The following VDAC1 variants were observed in gnomAD, a reference collection of about 807,000 sequenced individuals.
VDAC1 encodes the protein non-selective voltage-gated ion channel VDAC1.
In VDAC1, 10 loss-of-function variants were observed where a neutral mutation model predicts 34.7. That is an observed-to-expected ratio of 0.29 (90% CI 0.18 to 0.49). The LOEUF (loss-of-function observed/expected upper bound fraction) is 0.49, where lower values mean the gene tolerates loss of function less well. Among genes scored for constraint, VDAC1 ranks in the 20% least tolerant of loss-of-function variants. The pLI is 0.99. For synonymous variants in VDAC1, 130 were observed against 136.0 expected, an observed-to-expected ratio of 0.96 and a Z score of 0.30; for missense variants, 230 against 347.9, an observed-to-expected ratio of 0.66 and a Z score of 2.69.
the VDAC1 span, among the ~76,000 whole-genome samples, chr5:134,094,662 G>A: frequency 4.1e-5 from 6 of 144,598 alleles, no homozygotes; most frequent in Non-Finnish European, 5.9e-5. Context: ...GCGCCACTGC[G>A]CTCCAGCCTG....
Position 133,980,878 on chromosome 5 carries a change from A to G in VDAC1, c.402T>C (p.Ala134=). The G allele has an allele frequency of 6.2e-7, 1 of 1,614,094 alleles. No homozygotes were observed. Among genetic ancestry groups the G allele is most frequent in the Non-Finnish European group, 8.5e-7 (1 of 1,180,008 alleles). The change falls in exon 6 of 9, where the codon GCT becomes GCC. Residue 134 remains alanine (A), a synonymous_variant. Transcript: ENST00000265333. ...NLGCDMDFDI[A]GPSIRGALVL... The stretch of plus-strand genomic sequence containing the variant: ...CCAGAGCACCCCGGATGGAAGGCCC[A>G]GCAATGTCGAAATCCATGTCGCAGC...
At chr5:134,016,391 C>T in the VDAC1 span, among the ~76,000 whole-genome samples, 1 of 152,172 alleles carries the variant, frequency 6.6e-6, no homozygotes. Context: ...GGGCTTCCCC[C>T]TTTGCTCAGC....
chr5:134,027,445 GCCTT>G, the VDAC1 span, among the ~76,000 whole-genome samples: 9 of 152,290 alleles, frequency 5.9e-5, no homozygotes, highest in Admixed American at 3.3e-4. Context: ...GCCCCTCCCT[GCCTT>G]CCTTCCAGCA....
the VDAC1 span, among the ~76,000 whole-genome samples, chr5:134,030,486 G>A: frequency 6.6e-6 from 1 of 152,186 alleles, no homozygotes; most frequent in South Asian, 2.1e-4. Context: ...TCCAGTGGCA[G>A]AGAGCTCACC....
intron 1 of VDAC1, among the ~76,000 whole-genome samples, chr5:134,000,477 G>A (rs1753505310): frequency 6.6e-6 from 1 of 152,130 alleles, no homozygotes; most frequent in Admixed American, 6.5e-5. Flanking sequence ...ACTATGGTCT[G>A]GATCCCAGGC....
At chr5:134,106,694 C>T in the VDAC1 span, among the ~76,000 whole-genome samples, 4 of 152,076 alleles carry the variant, frequency 2.6e-5, no homozygotes, top group African/African-American at 9.7e-5. Context: ...GCGTGAGCCA[C>T]CGCGCCTGGC....
Position 133,999,071 on chromosome 5 carries a change from G to A in VDAC1, c.-7+5824C>T, listed in dbSNP as rs893370513. On this transcript the variant is annotated intron_variant, in intron 1 of 8. Coordinates refer to ENST00000265333, the MANE Select transcript of VDAC1 (RefSeq NM_003374.3). ...CACGCCTCTAATCCCAGCACTTTGG[G>A]AGGCTGAGGCAGGAGGATCGCCTGA... Among the ~76,000 whole-genome samples, 4 of 152,234 alleles carry A rather than the reference G, an allele frequency of 2.6e-5. No individual in the cohort carries two copies. In the South Asian group the frequency reaches 8.3e-4, roughly 31 times the overall value.
chr5:133,980,680 C>T (rs1580711376), intron 6 of VDAC1, 49 bp downstream of exon 6: 1 of 812,800 alleles, frequency 1.2e-6, no homozygotes, highest in Non-Finnish European at 2.0e-6. Context: ...CCTTACCACA[C>T]ATGCTCCAAC....
chr5:134,035,030 G>A, the VDAC1 span, among the ~76,000 whole-genome samples: 1 of 152,008 alleles, frequency 6.6e-6, no homozygotes, highest in Non-Finnish European at 1.5e-5. Context: ...CACCGAGAGG[G>A]CCTAGGAGCA....
upstream of VDAC1, among the ~76,000 whole-genome samples, chr5:134,007,934 AAGG>A (rs982655962): frequency 1.4e-4 from 22 of 152,124 alleles, no homozygotes; most frequent in African/African-American, 5.1e-4. Context: ...GTGGGTGGAG[AAGG>A]AGGTTTGTGG....
chr5:134,075,730 C>T, the VDAC1 span, among the ~76,000 whole-genome samples: 3,204 of 151,802 alleles, frequency 0.021, 59 homozygotes, highest in East Asian at 0.091. Context: ...GCTACAGGCG[C>T]GTGCCACCAG....
At chr5:134,054,280 C>G in the VDAC1 span, among the ~76,000 whole-genome samples, 1 of 152,118 alleles carries the variant, frequency 6.6e-6, no homozygotes, top group Non-Finnish European at 1.5e-5. Context: ...CCTGCTGGAA[C>G]TGGATGAATC....
intron 1 of VDAC1, among the ~76,000 whole-genome samples, chr5:133,997,461 G>A (rs55939987): frequency 0.25 from 37,402 of 151,666 alleles, 4,993 homozygotes; most frequent in Admixed American, 0.3. Flanking sequence ...ACTTTGGGAG[G>A]CTGAGGTGGG....
At chr5:134,018,148 T>C in the VDAC1 span, among the ~76,000 whole-genome samples, 1 of 152,316 alleles carries the variant, frequency 6.6e-6, no homozygotes, top group East Asian at 1.9e-4. Flanking sequence ...GGGCATCTGC[T>C]CGGCTTCTGG....
chr5:134,006,758 A>C (rs1185820867), upstream of VDAC1, among the ~76,000 whole-genome samples: 3 of 137,734 alleles, frequency 2.2e-5, no homozygotes, highest in African/African-American at 5.3e-5. Flanking sequence ...CAAAAAAAAA[A>C]AACAAAAAAA....
At chr5:134,048,330 A>G in the VDAC1 span, among the ~76,000 whole-genome samples, 2 of 149,392 alleles carry the variant, frequency 1.3e-5, no homozygotes, top group Admixed American at 6.7e-5. Context: ...GCAGTGGTGC[A>G]ATCTTGGCTC....
chr5:134,080,073 A>T, the VDAC1 span, among the ~76,000 whole-genome samples: 4 of 152,350 alleles, frequency 2.6e-5, 1 homozygote, highest in South Asian at 8.3e-4. Context: ...TGGGTGCTGC[A>T]TAGAAAAACA....
the VDAC1 span, among the ~76,000 whole-genome samples, chr5:134,061,789 C>G: frequency 6.6e-6 from 1 of 151,856 alleles, no homozygotes; most frequent in African/African-American, 2.4e-5. Flanking sequence ...CTAGCTAAAA[C>G]ATCTAGCACA....
intron 5 of VDAC1, among the ~76,000 whole-genome samples, chr5:133,986,298 A>G (rs1207417607): frequency 6.6e-6 from 1 of 152,222 alleles, no homozygotes; most frequent in Admixed American, 6.5e-5. Flanking sequence ...ACCCTCAGTC[A>G]CTTTGGAAAG....
Sources: allele counts gnomAD v4.1 joint callset (sites outside exome capture counted in the v4.1 genomes callset), GRCh38; gene constraint gnomAD v4.1.1; transcripts MANE v1.5; gene names NCBI Gene and HGNC (gene_info 2026-07-23, HGNC 2026-07-21).